Variants in ENOX1 observed in about 807,000 individuals in gnomAD.
ENOX1 encodes the protein candidate growth-related and time keeping constitutive hydroquinone (NADH) oxidase.
In ENOX1, 42 loss-of-function variants were observed where a neutral mutation model predicts 82.5. The ratio of observed to expected loss-of-function variants is 0.51; its 90% CI spans 0.40 to 0.66. ENOX1 has a LOEUF of 0.66. Among genes scored for constraint, ENOX1 ranks in the 30% least tolerant of loss-of-function variants. The pLI is 0.00. For missense variants in ENOX1, 608 were observed against 811.6 expected (o/e 0.75, Z 3.05); for synonymous variants, 271 against 282.2 (o/e 0.96, Z 0.40).
intron 11 of ENOX1, among the ~76,000 whole-genome samples, chr13:43,321,384 A>G (rs996361596): frequency 6.6e-6 from 1 of 152,198 alleles, no homozygotes; most frequent in African/African-American, 2.4e-5. Context: ...CCCTTTCTCT[A>G]TATGCCTGTA....
At chr13:43,745,710 G>T (rs948834137) in intron 1 of ENOX1, among the ~76,000 whole-genome samples, 2 of 152,148 alleles carry the variant, frequency 1.3e-5, no homozygotes, top group Non-Finnish European at 1.5e-5. Flanking sequence ...TTGAATTGTG[G>T]TTCCCATAAT....
rs1203446795 is a variant in ENOX1, at chr13:43,213,552, T to TC, written c.*437_*438insG. 4.1e-5 allele frequency: 6 copies of TC among 144,738 alleles called. No homozygotes were observed. The highest frequency in any genetic ancestry group is 1.5e-4 in the African/African-American group (6 of 38,876). 9.0% of individuals were successfully genotyped at this position (144,738 alleles called of 1,614,324 possible). A position where few individuals can be genotyped will look rare whatever the true frequency, so the allele number is the denominator to read the frequency against. ...TTTTTCTTTTTCTTTTTCTTTTTTT[T>TC]TTTTTTTTTTTTTTTACTAAAACAG... is the stretch of plus-strand genomic sequence containing the variant. On this transcript the variant is annotated 3_prime_UTR_variant, in exon 17 of 17. Transcript: ENST00000690772.
At chr13:43,589,216 GAA>G (rs58912569) in intron 2 of ENOX1, among the ~76,000 whole-genome samples, 27,264 of 79,466 alleles carry the variant, frequency 0.34, 3,636 homozygotes, top group East Asian at 0.48. Context: ...GACATTAATG[GAA>G]AAAAAAAAAA....
chr13:43,500,947 C>T (rs1318728140), intron 2 of ENOX1, among the ~76,000 whole-genome samples: 1 of 151,566 alleles, frequency 6.6e-6, no homozygotes, highest in African/African-American at 2.4e-5. Flanking sequence ...AGAATAAAAG[C>T]TTATTACTAC....
rs1301433138 is a variant in ENOX1, at chr13:43,437,696, G to A, written c.-74-24708C>T. 3.9e-5 allele frequency among the ~76,000 whole-genome samples: 6 copies of A among 152,232 alleles called. No individual in the cohort carries two copies. The East Asian group carries it at 7.7e-4, about 20-fold the overall frequency. On this transcript the variant is annotated intron_variant, in intron 3 of 16. Coordinates refer to ENST00000690772, the MANE Select transcript of ENOX1 (RefSeq NM_001347969.2). ...AGTGCCAATGGTTAGGGTTTATGGC[G>A]GACCGATTTCAGGGTCATCCATTCT...
chr13:43,281,842 A>G (rs1236321877), intron 12 of ENOX1, among the ~76,000 whole-genome samples: 2 of 152,182 alleles, frequency 1.3e-5, no homozygotes, highest in African/African-American at 4.8e-5. Flanking sequence ...CTGCTGGTAG[A>G]CTTTATGTAG....
intron 2 of ENOX1, among the ~76,000 whole-genome samples, chr13:43,616,103 G>GATAGATATCTATATAT (rs1555341677): frequency 1.3e-4 from 1 of 7,914 alleles, no homozygotes; most frequent in African/African-American, 2.4e-4. Flanking sequence ...TATCTATATA[G>GATAGATATCTATATAT]ATAGATATCT....
At chr13:43,605,127 A>C (rs2081920937) in intron 2 of ENOX1, among the ~76,000 whole-genome samples, 1 of 152,050 alleles carries the variant, frequency 6.6e-6, no homozygotes, top group Non-Finnish European at 1.5e-5. Context: ...ATCTACAATG[A>C]AAATAATAAA....
chr13:43,538,820 T>G (rs535230195), intron 2 of ENOX1, among the ~76,000 whole-genome samples: 2,097 of 26,712 alleles, frequency 0.079, 40 homozygotes, highest in East Asian at 0.23. Flanking sequence ...ACATTTGCCT[T>G]TCCTCCCCGC....
At chr13:43,746,020 T>C (rs2153829369) in intron 1 of ENOX1, among the ~76,000 whole-genome samples, 1 of 152,302 alleles carries the variant, frequency 6.6e-6, no homozygotes, top group Middle Eastern at 3.4e-3. Context: ...AATGGACTAA[T>C]ATAACCACTT....
Position 43,343,867 on chromosome 13 carries a change from T to C in ENOX1, c.1036+671A>G, listed in dbSNP as rs562020548. Among the ~76,000 whole-genome samples the C allele has an allele frequency of 3.9e-5, 6 of 152,040 alleles. No homozygotes were observed. The South Asian group carries it at 1.2e-3, about 32-fold the overall frequency. ...ACAGATAGAGTGCCCATAAAAAAAA[T>C]ATACGCCCTTTTTTTGAATAGAGCC... is the stretch of plus-strand genomic sequence containing the variant. On this transcript the variant is annotated intron_variant, in intron 9 of 16. Coordinates refer to ENST00000690772, the MANE Select transcript of ENOX1 (RefSeq NM_001347969.2).
chr13:43,496,441 A>T (rs1324498405), intron 2 of ENOX1, among the ~76,000 whole-genome samples: 2 of 151,556 alleles, frequency 1.3e-5, no homozygotes, highest in Non-Finnish European at 2.9e-5. Flanking sequence ...GCTGGAGTGC[A>T]GTGGAACAAT....
At chr13:43,511,590 T>C (rs963003943) in intron 2 of ENOX1, among the ~76,000 whole-genome samples, 12 of 152,286 alleles carry the variant, frequency 7.9e-5, no homozygotes, top group Non-Finnish European at 1.2e-4. Flanking sequence ...ATCTTTCAGT[T>C]AGAACTTACT....
chr13:43,779,730 C>T (rs561132003), intron 1 of ENOX1, among the ~76,000 whole-genome samples: 2 of 152,306 alleles, frequency 1.3e-5, no homozygotes, highest in Admixed American at 1.3e-4. Flanking sequence ...CTACCAGGTC[C>T]TCCATGGTCT....
At chr13:43,298,578 C>T in intron 11 of ENOX1, 48 bp from the exon 12 acceptor site, 2 of 1,517,920 alleles carry the variant, frequency 1.3e-6, no homozygotes, top group Non-Finnish European at 1.8e-6. Context: ...TCTTGCTTAG[C>T]TTGAGGAGGC....
At chr13:43,638,234 A>G (rs1181161183) in intron 2 of ENOX1, among the ~76,000 whole-genome samples, 2 of 152,192 alleles carry the variant, frequency 1.3e-5, no homozygotes, top group Non-Finnish European at 2.9e-5. Context: ...TCTATCACAT[A>G]GTATCAAGCT....
intron 2 of ENOX1, among the ~76,000 whole-genome samples, chr13:43,650,945 C>G (rs1037485072): frequency 6.6e-6 from 1 of 152,150 alleles, no homozygotes; most frequent in Non-Finnish European, 1.5e-5. Context: ...TCAATCCAAC[C>G]TTTTTTGGGG....
At chr13:43,639,253 G>T (rs1388906731) in intron 2 of ENOX1, among the ~76,000 whole-genome samples, 1 of 152,166 alleles carries the variant, frequency 6.6e-6, no homozygotes, top group African/African-American at 2.4e-5. Context: ...AGTGAGCTGA[G>T]ACGGCGCCAC....
chr13:43,315,955 C>T (rs2047455663), intron 11 of ENOX1, among the ~76,000 whole-genome samples: 1 of 152,332 alleles, frequency 6.6e-6, no homozygotes, highest in Non-Finnish European at 1.5e-5. Context: ...CTTTGGGCTG[C>T]ACACAGGCGG....
Sources: gnomAD v4.1 joint callset for allele counts (sites outside exome capture counted in the v4.1 genomes callset) on GRCh38, gnomAD v4.1.1 for gene constraint, MANE v1.5 for transcripts, NCBI Gene and HGNC (gene_info 2026-07-23, HGNC 2026-07-21) for gene names.